DGKG: variants seen among roughly 807,000 people sequenced by gnomAD.
DGKG encodes DAG kinase gamma.
In DGKG, 78 loss-of-function variants were observed where a neutral mutation model predicts 105.3. The observed-to-expected ratio is 0.74, with a 90% CI of 0.62 to 0.89. The LOEUF (loss-of-function observed/expected upper bound fraction) is 0.89. Among genes scored for constraint, DGKG ranks in the 40% least tolerant of loss-of-function variants. DGKG has a pLI of 0.00. For synonymous variants in DGKG, 346 were observed against 367.1 expected (o/e 0.94, Z 0.66); for missense variants, 958 against 1,020.1 (o/e 0.94, Z 0.83).
At chr3:186,342,063 G>A (rs1193402884) in intron 1 of DGKG, among the ~76,000 whole-genome samples, 2 of 152,136 alleles carry the variant, frequency 1.3e-5, no homozygotes, top group Non-Finnish European at 2.9e-5. Context: ...TATACCTAAT[G>A]CTAGATGACG....
chr3:186,323,972 G>A (rs186548821), intron 1 of DGKG, among the ~76,000 whole-genome samples: 10,682 of 149,532 alleles, frequency 0.071, 1,280 homozygotes, highest in African/African-American at 0.25. Context: ...GCTGGGTGTC[G>A]TGGTGCATGC....
At chr3:186,199,976 G>A (rs905180158) in intron 21 of DGKG, among the ~76,000 whole-genome samples, 1 of 152,158 alleles carries the variant, frequency 6.6e-6, no homozygotes, top group South Asian at 2.1e-4. Context: ...CTTACAGAGT[G>A]CATGCTCCCG....
At position 186,150,111 on chromosome 3, in the gene DGKG, C is replaced by A; in HGVS notation, c.2355G>T (p.Arg785Ser). ...PQKSSFFSLR[R>S]KSRSKD ...CTGTTTAGTCTTTTGAACGGCTCTT[C>A]CTTCTCAACGAGAAGAAGCTGCTCT... Residue 785 changes from arginine (R) to serine (S), a missense_variant, in exon 25 of 25, where the codon AGG becomes AGT. Physicochemically the swap from Arg to Ser is moderately radical, Grantham distance 110. This residue lies in a region of DGKG where 315 missense variants were observed against 400.6 expected (regional missense o/e 0.79). Coordinates refer to ENST00000265022, the MANE Select transcript of DGKG (RefSeq NM_001346.3). 6.2e-7 allele frequency: 1 copy of A among 1,613,618 alleles called. No homozygotes were observed. Among genetic ancestry groups the A allele is most frequent in the South Asian group, 1.1e-5 (1 of 90,920 alleles).
In DGKG at chr3:186,267,756, A is replaced by AC; in HGVS notation, c.1137_1138insG (p.Ser380ValfsTer5). The AC allele has an allele frequency of 6.2e-7, 1 of 1,614,098 alleles. No individual in the cohort carries two copies. Among genetic ancestry groups the AC allele is most frequent in the South Asian group, 1.1e-5 (1 of 91,084 alleles). The stretch of plus-strand genomic sequence containing the variant: ...AGTTCCCCACCGTCACACAACGTTG[A>AC]TAATTCACATTTGCGGTGAAACTGG... On this transcript the variant is annotated frameshift_variant, in exon 13 of 25. Coordinates refer to ENST00000265022, the MANE Select transcript of DGKG (RefSeq NM_001346.3). LOFTEE classifies it high-confidence loss of function.
chr3:186,309,438 C>T (rs139750029), intron 2 of DGKG, among the ~76,000 whole-genome samples: 1 of 152,188 alleles, frequency 6.6e-6, no homozygotes. Flanking sequence ...AATAATATAA[C>T]CAGCTCTCTG....
chr3:186,154,644 C>CAA (rs60767699), intron 24 of DGKG, among the ~76,000 whole-genome samples: 595 of 39,756 alleles, frequency 0.015, 13 homozygotes, highest in African/African-American at 0.048. Flanking sequence ...GACTCTGTCT[C>CAA]AAAAAAAAAA....
At chr3:186,310,408 C>T (rs899026595) in intron 2 of DGKG, among the ~76,000 whole-genome samples, 1 of 151,906 alleles carries the variant, frequency 6.6e-6, no homozygotes. Flanking sequence ...AGTATCAATA[C>T]CCTTTAAAAA....
Position 186,298,086 on chromosome 3 carries a change from G to A in DGKG, c.288C>T (p.Ser96=). 1 of 1,612,580 alleles carries A rather than the reference G, an allele frequency of 6.2e-7. No individual in the cohort carries two copies. The highest frequency in any genetic ancestry group is 8.5e-7 in the Non-Finnish European group (1 of 1,179,318). Residue 96 remains serine (S), a synonymous_variant, in exon 4 of 25, where the codon AGC becomes AGT. Coordinates refer to ENST00000265022, the MANE Select transcript of DGKG (RefSeq NM_001346.3). ...TACCTGCGCTGTTGGCCTCACTGTT[G>A]CTGGCTCCCTCCGTCGGGTGGTCAG... ...ETSDHPTEGA[S]NSEANSADTN...
intron 1 of DGKG, among the ~76,000 whole-genome samples, chr3:186,350,490 T>A (rs1726577358): frequency 6.6e-6 from 1 of 152,246 alleles, no homozygotes; most frequent in Admixed American, 6.5e-5. Context: ...CAGTCATCCA[T>A]AAGGGAACAT....
At chr3:186,202,814 T>G (rs2268844) in intron 21 of DGKG, among the ~76,000 whole-genome samples, 126,234 of 152,168 alleles carry the variant, frequency 0.83, 53,253 homozygotes, top group Non-Finnish European at 0.91. Context: ...CCCCATCTAT[T>G]AAACATGCTG....
intron 20 of DGKG, among the ~76,000 whole-genome samples, chr3:186,239,050 T>C (rs1424950913): frequency 6.6e-6 from 1 of 152,186 alleles, no homozygotes; most frequent in Non-Finnish European, 1.5e-5. Flanking sequence ...AGTACCTTAG[T>C]ACAATTTCAA....
intron 1 of DGKG, among the ~76,000 whole-genome samples, chr3:186,326,212 C>T (rs13326188): frequency 3.3e-5 from 5 of 151,974 alleles, no homozygotes; most frequent in East Asian, 1.9e-4. Context: ...GCCAACATGG[C>T]GAAGCTCTGT....
intron 1 of DGKG, among the ~76,000 whole-genome samples, chr3:186,359,437 T>G (rs11929459): frequency 1.3e-5 from 2 of 152,104 alleles, no homozygotes; most frequent in Middle Eastern, 3.2e-3. Flanking sequence ...GCTACAACAC[T>G]AATTCAGAAA....
chr3:186,251,203 A>G (rs562347255), intron 19 of DGKG, among the ~76,000 whole-genome samples: 19 of 152,310 alleles, frequency 1.2e-4, no homozygotes, highest in African/African-American at 3.4e-4. Context: ...GGGAGCATCA[A>G]GGAGGCTCAC....
intron 20 of DGKG, 71 bp downstream of exon 20, chr3:186,242,433 G>A: frequency 7.5e-7 from 1 of 1,330,120 alleles, no homozygotes; most frequent in Non-Finnish European, 1.0e-6. Flanking sequence ...TTTCCAGAGA[G>A]CAGGTGAAAG....
At chr3:186,161,471 A>G in intron 24 of DGKG, 132 bp downstream of exon 24, 8 of 1,484,570 alleles carry the variant, frequency 5.4e-6, no homozygotes, top group Non-Finnish European at 5.4e-6. Context: ...ATAAAGTGGA[A>G]GAGGGGTTGC....
At chr3:186,280,988 C>T (rs1219212392) in intron 7 of DGKG, 1 of 426,936 alleles carries the variant, frequency 2.3e-6, no homozygotes, top group Non-Finnish European at 4.3e-6. Context: ...TGACTTCCTC[C>T]TGGACCCACC....
intron 11 of DGKG, among the ~76,000 whole-genome samples, chr3:186,270,135 G>A (rs950955719): frequency 2.5e-4 from 13 of 51,478 alleles, no homozygotes; most frequent in Admixed American, 1.6e-3. Context: ...AAGAATAAAC[G>A]TGTTTTTTTT....
intron 22 of DGKG, among the ~76,000 whole-genome samples, chr3:186,167,849 A>C (rs1010610615): frequency 3.9e-5 from 6 of 152,226 alleles, no homozygotes; most frequent in African/African-American, 1.4e-4. Flanking sequence ...ACTGTCTTGT[A>C]AGAGTTGGGA....
Sources: gnomAD v4.1 joint callset for allele counts (sites outside exome capture counted in the v4.1 genomes callset) on GRCh38, gnomAD v4.1.1 for gene constraint, gnomAD v4.1.1 regional missense constraint, MANE v1.5 for transcripts, NCBI Gene and HGNC (gene_info 2026-07-23, HGNC 2026-07-21) for gene names.